The following KCNK13 variants were observed in gnomAD, a reference collection of about 807,000 sequenced individuals.
The protein encoded by KCNK13 is potassium channel subfamily K member 13.
Under a neutral mutation model 23.4 loss-of-function variants are expected in KCNK13, and 12 were observed. That is an observed-to-expected ratio of 0.51 (90% CI 0.33 to 0.83). KCNK13 has a LOEUF of 0.83. Ranked by LOEUF, KCNK13 falls within the 40% of genes least tolerant of loss-of-function variation. The probability of loss-of-function intolerance (pLI) is 0.02; values close to 1 mark genes in which losing one functional copy is unlikely to be tolerated. For missense variants in KCNK13, 463 were observed against 556.3 expected (o/e 0.83, Z 1.69); for synonymous variants, 231 against 229.5 (o/e 1.01, Z -0.06).
chr14:90,075,018 A>T (rs1474635992), intron 1 of KCNK13, among the ~76,000 whole-genome samples: 1 of 151,884 alleles, frequency 6.6e-6, no homozygotes, highest in African/African-American at 2.4e-5. Context: ...TTAACCACTT[A>T]ACACATTTTT....
At chr14:90,170,941 A>G (rs1440263835) in intron 1 of KCNK13, among the ~76,000 whole-genome samples, 1 of 152,070 alleles carries the variant, frequency 6.6e-6, no homozygotes. Flanking sequence ...AATATGGGGG[A>G]GGATGTAGCT....
At chr14:90,115,264 A>G (rs868444728) in intron 1 of KCNK13, among the ~76,000 whole-genome samples, 4 of 152,148 alleles carry the variant, frequency 2.6e-5, no homozygotes, top group African/African-American at 4.8e-5. Context: ...CTGAAGGGTA[A>G]TTACTGGGGA....
In KCNK13 at chr14:90,184,809, G is replaced by A. The variant is rs1890530527; in HGVS notation, c.1033G>A (p.Glu345Lys). The change falls in exon 2 of 2, where the codon GAG becomes AAG. Residue 345 changes from glutamate to lysine, a missense_variant. Glu to Lys is a moderately conservative substitution (Grantham distance 56). Coordinates refer to ENST00000282146, the MANE Select transcript of KCNK13 (RefSeq NM_022054.4). This position sits in a 1 kb window ranked among gnomAD's most constrained non-coding sequence, Gnocchi z 5.6. The part of the protein sequence containing the change: ...SDTDGRRLSG[E>K]MISMKDLLAA... ...CACGGACGGGCGCCGGCTCTCAGGGGAGATGATCTCCATGAAGGACTTGCT... is the reference window on the plus strand; with the variant it reads ...CACGGACGGGCGCCGGCTCTCAGGGAAGATGATCTCCATGAAGGACTTGCT... The A allele has an allele frequency of 1.2e-6, 2 of 1,612,974 alleles. No individual in the cohort carries two copies. Among genetic ancestry groups the A allele is most frequent in the Non-Finnish European group, 1.7e-6 (2 of 1,179,124 alleles).
At chr14:90,146,371 A>C (rs1289070195) in intron 1 of KCNK13, among the ~76,000 whole-genome samples, 1 of 152,162 alleles carries the variant, frequency 6.6e-6, no homozygotes, top group Non-Finnish European at 1.5e-5. Context: ...GCTGGAGTGC[A>C]GTGGTACAAT....
intron 1 of KCNK13, among the ~76,000 whole-genome samples, chr14:90,142,331 T>G (rs2140428666): frequency 7.0e-6 from 1 of 142,772 alleles, no homozygotes; most frequent in Admixed American, 7.0e-5. Context: ...TTTTTTTTTT[T>G]TTTTTGAGAC....
intron 1 of KCNK13, among the ~76,000 whole-genome samples, chr14:90,092,222 G>A (rs180954798): frequency 2.8e-4 from 43 of 152,196 alleles, no homozygotes; most frequent in Non-Finnish European, 4.4e-4. Context: ...GCACCCAGCC[G>A]GGAGCTCCAT....
At chr14:90,163,814 C>T (rs796137929) in intron 1 of KCNK13, among the ~76,000 whole-genome samples, 4 of 152,256 alleles carry the variant, frequency 2.6e-5, no homozygotes, top group South Asian at 2.1e-4. Context: ...CTCTGCCTCC[C>T]GAGTAGCTGG....
intron 1 of KCNK13, among the ~76,000 whole-genome samples, chr14:90,064,081 C>A (rs1888978844): frequency 6.6e-6 from 1 of 152,198 alleles, no homozygotes; most frequent in African/African-American, 2.4e-5. Flanking sequence ...ATCTGCTGGA[C>A]TCTTAGCCGT....
chr14:90,067,501 G>A (rs146348198), intron 1 of KCNK13, among the ~76,000 whole-genome samples: 1,623 of 152,166 alleles, frequency 0.011, 14 homozygotes, highest in Non-Finnish European at 0.015. Flanking sequence ...TTTCAGTTTG[G>A]GATACTGAAA....
chr14:90,098,231 TTTA>T (rs1214662292), intron 1 of KCNK13, among the ~76,000 whole-genome samples: 1 of 152,272 alleles, frequency 6.6e-6, no homozygotes, highest in African/African-American at 2.4e-5. Flanking sequence ...GACAGTGTAT[TTTA>T]TTAATGACTA....
chr14:90,071,839 A>T (rs1458764854), intron 1 of KCNK13, among the ~76,000 whole-genome samples: 1 of 152,020 alleles, frequency 6.6e-6, no homozygotes, highest in Non-Finnish European at 1.5e-5. Context: ...CGGAAGTTGC[A>T]GTGAGCCGAG....
At chr14:90,181,703 C>CTA (rs1890489696) in intron 1 of KCNK13, among the ~76,000 whole-genome samples, 1 of 152,166 alleles carries the variant, frequency 6.6e-6, no homozygotes, top group Non-Finnish European at 1.5e-5. Context: ...AGTAGAATGA[C>CTA]TAAATCACCT....
At chr14:90,067,651 A>AG (rs1374110989) in intron 1 of KCNK13, among the ~76,000 whole-genome samples, 2 of 152,254 alleles carry the variant, frequency 1.3e-5, no homozygotes, top group Non-Finnish European at 2.9e-5. Flanking sequence ...CTCAGGGCAG[A>AG]GTATTAAAAC....
chr14:90,123,473 C>G (rs1261222264), intron 1 of KCNK13, among the ~76,000 whole-genome samples: 1 of 152,136 alleles, frequency 6.6e-6, no homozygotes, highest in Non-Finnish European at 1.5e-5. Flanking sequence ...ATTTAAGTAC[C>G]TCCTTAAAGA....
At position 90,094,934 on chromosome 14, in the gene KCNK13, A is replaced by G. The variant is rs187991335; in HGVS notation, c.334+32395A>G. Among the ~76,000 whole-genome samples, 394 of 152,194 alleles carry G rather than the reference A, an allele frequency of 2.6e-3. 1 individual carries two copies. The highest frequency in any genetic ancestry group is 9.1e-3 in the African/African-American group (379 of 41,532). ...AATGCTGGGATTACAGGCGTGAGCC[A>G]CCATGCCCAGCCTATCAGGGACTTT... On this transcript the variant is annotated intron_variant, in intron 1 of 1. Transcript: ENST00000282146.
chr14:90,175,406 A>C (rs1890411502), intron 1 of KCNK13, among the ~76,000 whole-genome samples: 1 of 152,182 alleles, frequency 6.6e-6, no homozygotes, highest in Admixed American at 6.5e-5. Flanking sequence ...ATTTATCAAC[A>C]GTAGAATGCT....
chr14:90,101,753 G>A (rs76729936), intron 1 of KCNK13, among the ~76,000 whole-genome samples: 31,389 of 121,522 alleles, frequency 0.26, 4,319 homozygotes, highest in Middle Eastern at 0.41. Context: ...TCGTACCACT[G>A]CACTCCAGCC....
intron 1 of KCNK13, among the ~76,000 whole-genome samples, chr14:90,161,187 G>A (rs1890249382): frequency 1.3e-5 from 2 of 152,286 alleles, no homozygotes; most frequent in South Asian, 2.1e-4. Context: ...AATGGAAGAA[G>A]TCAGACACAG....
rs907669898 is a variant in KCNK13 at position 90,074,031 on chromosome 14, C to T, written c.334+11492C>T. ...GAGCCCAGGCTGGAGTGCAGTGACG[C>T]GATCTTGGCTCACTGCAACCTCCGC... On this transcript the variant is annotated intron_variant, in intron 1 of 1. Coordinates refer to ENST00000282146, the MANE Select transcript of KCNK13 (RefSeq NM_022054.4). Among the ~76,000 whole-genome samples the T allele has an allele frequency of 5.9e-5, 9 of 151,940 alleles. No homozygotes were observed. The East Asian group carries it at 9.7e-4, about 16-fold the overall frequency.
Sources: allele counts gnomAD v4.1 joint callset (sites outside exome capture counted in the v4.1 genomes callset), GRCh38; gene constraint gnomAD v4.1.1; non-coding constraint Gnocchi (gnomAD v3.1); transcripts MANE v1.5; gene names NCBI Gene and HGNC (gene_info 2026-07-23, HGNC 2026-07-21).